The following ARHGAP20 variants were observed in gnomAD, a reference collection of about 807,000 sequenced individuals.
ARHGAP20 encodes the protein Rho GTPase activating protein 20, also known as rho GTPase-activating protein 20.
ARHGAP20 carries 34 observed loss-of-function variants against 73.7 expected under a neutral mutation model. The observed-to-expected ratio is 0.46, with a 90% CI of 0.35 to 0.61. ARHGAP20 has a LOEUF of 0.61. Among genes scored for constraint, ARHGAP20 ranks in the 20% least tolerant of loss-of-function variants. The pLI is 0.00. For missense variants in ARHGAP20, 1,314 were observed against 1,420.9 expected, an observed-to-expected ratio of 0.92 and a Z score of 1.21; for synonymous variants, 523 against 518.2, an observed-to-expected ratio of 1.01 and a Z score of -0.13.
intron 6 of ARHGAP20, among the ~76,000 whole-genome samples, chr11:110,611,818 C>CAG (rs10671645): frequency 2.0e-5 from 3 of 151,744 alleles, no homozygotes; most frequent in Non-Finnish European, 2.9e-5. Context: ...TTTCACAATA[C>CAG]GTTTTATTTC....
intron 11 of ARHGAP20, among the ~76,000 whole-genome samples, chr11:110,589,994 G>A (rs2134823422): frequency 6.6e-6 from 1 of 152,074 alleles, no homozygotes; most frequent in African/African-American, 2.4e-5. Context: ...GGTAGTGCAG[G>A]CTTGTAATCC....
intron 4 of ARHGAP20, among the ~76,000 whole-genome samples, chr11:110,619,792 T>TAGTGATAGAGTATATGC (rs1316913650): frequency 3.3e-5 from 5 of 150,808 alleles, no homozygotes; most frequent in African/African-American, 7.3e-5. Context: ...AGTGCATATG[T>TAGTGATAGAGTATATGC]AGTGATAGAG....
At chr11:110,610,332 A>C (rs575465503) in intron 7 of ARHGAP20, among the ~76,000 whole-genome samples, 1 of 152,066 alleles carries the variant, frequency 6.6e-6, no homozygotes, top group Non-Finnish European at 1.5e-5. Flanking sequence ...GGCATGTCTT[A>C]AATATGTGTC....
At chr11:110,648,192 A>ATATATATATGTAC (rs1949249088) in intron 2 of ARHGAP20, among the ~76,000 whole-genome samples, 1 of 120,266 alleles carries the variant, frequency 8.3e-6, no homozygotes, top group African/African-American at 3.5e-5. Flanking sequence ...TATATATGTA[A>ATATATATATGTAC]ATATATATAT....
At position 110,578,921 on chromosome 11, in the gene ARHGAP20, T is replaced by C; in HGVS notation, c.*449A>G. 3 of 987,350 alleles carry C rather than the reference T, an allele frequency of 3.0e-6. No individual in the cohort carries two copies. Among genetic ancestry groups the C allele is most frequent in the Non-Finnish European group, 3.6e-6 (3 of 831,138 alleles). 61.2% of individuals were successfully genotyped at this position (987,350 alleles called of 1,614,324 possible). On this transcript the variant is annotated 3_prime_UTR_variant, in exon 15 of 15. Transcript: ENST00000683387. ...TGGACACACTTAATGCTTTGATTAG[T>C]GGCATTTTTCTTGCCTACTTATTAA...
chr11:110,639,962 A>G, intron 2 of ARHGAP20, among the ~76,000 whole-genome samples: 1 of 151,946 alleles, frequency 6.6e-6, no homozygotes, highest in Non-Finnish European at 1.5e-5. Flanking sequence ...TGGAATTGCT[A>G]GATCATATGG....
chr11:110,582,446 A>C lies in ARHGAP20; in HGVS notation c.1606-11T>G, dbSNP rs761951325. 30 of 1,519,082 alleles carry C rather than the reference A, an allele frequency of 2.0e-5. No homozygotes were observed. The highest frequency in any genetic ancestry group is 2.6e-5 in the Non-Finnish European group (28 of 1,094,928). 94.1% of individuals were successfully genotyped at this position (1,519,082 alleles called of 1,614,324 possible). A position where few individuals can be genotyped will look rare whatever the true frequency, so the allele number is the denominator to read the frequency against. On this transcript the variant is annotated splice_polypyrimidine_tract_variant and intron_variant, in intron 13 of 14. Transcript: ENST00000683387. The stretch of plus-strand genomic sequence containing the variant: ...TATAAGCAGGGAAACCTGTAAGAAA[A>C]AGGACAAACGAAGTATTACTTTTCA...
intron 1 of ARHGAP20, chr11:110,711,561 C>G: frequency 7.1e-7 from 1 of 1,417,974 alleles, no homozygotes. Context: ...GGGCAGTACT[C>G]CCCATATCTG....
chr11:110,584,107 GATAAA>G (rs1180622568), intron 12 of ARHGAP20, among the ~76,000 whole-genome samples: 4 of 152,124 alleles, frequency 2.6e-5, no homozygotes, highest in African/African-American at 4.8e-5. Context: ...AAAGCTTTCT[GATAAA>G]ATTAAACAGC....
chr11:110,655,087 G>T (rs2135024741), intron 2 of ARHGAP20, among the ~76,000 whole-genome samples: 1 of 152,178 alleles, frequency 6.6e-6, no homozygotes, highest in African/African-American at 2.4e-5. Context: ...TCTTTATTTA[G>T]CACCAGGAAG....
chr11:110,661,406 T>TG (rs1949608779), intron 2 of ARHGAP20, among the ~76,000 whole-genome samples: 1 of 152,130 alleles, frequency 6.6e-6, no homozygotes, highest in Non-Finnish European at 1.5e-5. Flanking sequence ...GTTTGCAAGT[T>TG]CAGTGATAGT....
intron 2 of ARHGAP20, among the ~76,000 whole-genome samples, chr11:110,676,792 TAG>T (rs1256569091): frequency 3.9e-5 from 6 of 151,968 alleles, no homozygotes; most frequent in Middle Eastern, 3.2e-3. Context: ...ACCAAAATTA[TAG>T]AGACTTAAAT....
chr11:110,577,294 A>AGTCT lies in ARHGAP20; in HGVS notation c.*2072_*2075dup. ...GATGGAGTATAATAAAATGACATAT[A>AGTCT]GTCTGTCTTCAAATCATACAATATA... On this transcript the variant is annotated 3_prime_UTR_variant, in exon 15 of 15. Coordinates refer to ENST00000683387, the MANE Select transcript of ARHGAP20 (RefSeq NM_001384657.1). The AGTCT allele has an allele frequency of 7.3e-7, 1 of 1,371,130 alleles. No individual in the cohort carries two copies. Among genetic ancestry groups the AGTCT allele is most frequent in the East Asian group, 2.7e-5 (1 of 37,154 alleles). 84.9% of individuals were successfully genotyped at this position (1,371,130 alleles called of 1,614,324 possible).
At chr11:110,600,615 G>C (rs1173100755) in intron 9 of ARHGAP20, among the ~76,000 whole-genome samples, 3 of 152,252 alleles carry the variant, frequency 2.0e-5, no homozygotes, top group African/African-American at 7.2e-5. Flanking sequence ...CCAGTGGCCT[G>C]AGCAAATCTT....
rs372371584 is a variant in ARHGAP20 at position 110,690,879 on chromosome 11, T to A, written c.106-250A>T. 8 of 1,091,382 alleles carry A rather than the reference T, an allele frequency of 7.3e-6. No homozygotes were observed. The East Asian group carries it at 1.0e-4, about 14-fold the overall frequency. 67.6% of individuals were successfully genotyped at this position (1,091,382 alleles called of 1,614,324 possible). A position where few individuals can be genotyped will look rare whatever the true frequency, so the allele number is the denominator to read the frequency against. ...GTGGTCAGAGAATAAAGAGGTTAAA[T>A]GTTTACCAGAATATTTGGGAGAAAC... is the stretch of plus-strand genomic sequence containing the variant. On this transcript the variant is annotated intron_variant, in intron 1 of 14. Transcript: ENST00000683387.
intron 3 of ARHGAP20, among the ~76,000 whole-genome samples, chr11:110,629,899 C>T (rs961167993): frequency 1.4e-4 from 21 of 152,254 alleles, no homozygotes; most frequent in African/African-American, 4.3e-4. Context: ...CAGTGAAACA[C>T]TCTCAGACTC....
intron 12 of ARHGAP20, among the ~76,000 whole-genome samples, chr11:110,584,972 A>AATATATGTGAATATATGAATATGAAT: frequency 6.9e-6 from 1 of 145,950 alleles, no homozygotes; most frequent in Non-Finnish European, 1.5e-5. Flanking sequence ...TGAATATATG[A>AATATATGTGAATATATGAATATGAAT]ATATATATGT....
chr11:110,654,496 T>C (rs565060380), intron 2 of ARHGAP20, among the ~76,000 whole-genome samples: 2 of 152,356 alleles, frequency 1.3e-5, no homozygotes, highest in South Asian at 4.1e-4. Flanking sequence ...GAAATACTTA[T>C]AAGTAACTGC....
chr11:110,581,113 G>A lies in ARHGAP20; in HGVS notation c.1833C>T (p.Ser611=), dbSNP rs1399988037. Residue 611 remains serine (S), a synonymous_variant, in exon 15 of 15, where the codon AGC becomes AGT. Coordinates refer to ENST00000683387, the MANE Select transcript of ARHGAP20 (RefSeq NM_001384657.1). ...SDLVKKLGQG[S]RSMDSVLTLS... is the part of the protein sequence containing the mutation. ...GGGTTAAGACAGAGTCCATGCTTCT[G>A]CTCCCCTGGCCAAGTTTCTTTACCA... 2 of 1,614,178 alleles carry A rather than the reference G, an allele frequency of 1.2e-6. No homozygotes were observed. Among genetic ancestry groups the A allele is most frequent in the Non-Finnish European group, 1.7e-6 (2 of 1,180,040 alleles).
Sources: gnomAD v4.1 joint callset for allele counts (sites outside exome capture counted in the v4.1 genomes callset) on GRCh38, gnomAD v4.1.1 for gene constraint, MANE v1.5 for transcripts, NCBI Gene and HGNC (gene_info 2026-07-23, HGNC 2026-07-21) for gene names.